Variants in AGBL4 observed in about 807,000 individuals in gnomAD.
AGBL4 encodes cytosolic carboxypeptidase 6.
Under a neutral mutation model 66.4 loss-of-function variants are expected in AGBL4, and 58 were observed. The ratio of observed to expected loss-of-function variants is 0.87; its 90% CI spans 0.71 to 1.09. The LOEUF (loss-of-function observed/expected upper bound fraction) is 1.09, where lower values mean the gene tolerates loss of function less well. Among genes scored for constraint, AGBL4 ranks in the 50% least tolerant of loss-of-function variants. AGBL4 has a pLI of 0.00. For synonymous variants in AGBL4, 234 were observed against 222.9 expected, an observed-to-expected ratio of 1.05 and a Z score of -0.44; for missense variants, 579 against 631.0, an observed-to-expected ratio of 0.92 and a Z score of 0.88.
chr1:48,929,912 G>C (rs1654899148), intron 5 of AGBL4, among the ~76,000 whole-genome samples: 2 of 152,152 alleles, frequency 1.3e-5, no homozygotes, highest in Admixed American at 6.5e-5. Flanking sequence ...TTCAAGGAAA[G>C]AACACTTCCA....
chr1:48,663,445 G>A (rs1646139036), intron 6 of AGBL4, among the ~76,000 whole-genome samples: 2 of 152,262 alleles, frequency 1.3e-5, no homozygotes, highest in East Asian at 3.9e-4. Context: ...ATTCCCTTTT[G>A]TTGGTACAAC....
intron 3 of AGBL4, among the ~76,000 whole-genome samples, chr1:49,674,454 C>T (rs1210034360): frequency 2.0e-5 from 3 of 151,030 alleles, no homozygotes; most frequent in Admixed American, 2.0e-4. Context: ...GCTATTTCTA[C>T]TCTACACAAA....
At chr1:49,933,972 A>G (rs1046106674) in intron 1 of AGBL4, among the ~76,000 whole-genome samples, 4 of 152,174 alleles carry the variant, frequency 2.6e-5, no homozygotes, top group Admixed American at 6.5e-5. Flanking sequence ...GGCTGAATAT[A>G]TAATAAAACA....
intron 5 of AGBL4, among the ~76,000 whole-genome samples, chr1:48,980,287 A>G (rs915731539): frequency 6.6e-6 from 1 of 152,298 alleles, no homozygotes; most frequent in East Asian, 1.9e-4. Flanking sequence ...CTGTGAGAGC[A>G]TTTAGTACAG....
intron 2 of AGBL4, among the ~76,000 whole-genome samples, chr1:49,747,023 T>C (rs565916815): frequency 1.2e-3 from 179 of 152,200 alleles, no homozygotes; most frequent in African/African-American, 4.2e-3. Flanking sequence ...TGCTCACATA[T>C]CTCACAAATG....
At chr1:49,673,460 C>T (rs1326824092) in intron 3 of AGBL4, among the ~76,000 whole-genome samples, 1 of 152,148 alleles carries the variant, frequency 6.6e-6, no homozygotes, top group Non-Finnish European at 1.5e-5. Flanking sequence ...TGTATAATTG[C>T]ATTGTTTGTA....
chr1:49,721,020 C>T (rs898513077), intron 2 of AGBL4, among the ~76,000 whole-genome samples: 9 of 152,058 alleles, frequency 5.9e-5, no homozygotes, highest in Admixed American at 3.3e-4. Context: ...TTTTGTCTGA[C>T]GAGAGGATTA....
chr1:49,207,516 T>C (rs1205419482), intron 4 of AGBL4, among the ~76,000 whole-genome samples: 1 of 146,492 alleles, frequency 6.8e-6, no homozygotes, highest in African/African-American at 2.5e-5. Flanking sequence ...TTTTTCTTTC[T>C]TTCTTTCTCT....
chr1:48,949,443 C>G (rs1357428243), intron 5 of AGBL4, among the ~76,000 whole-genome samples: 1 of 152,166 alleles, frequency 6.6e-6, no homozygotes, highest in Non-Finnish European at 1.5e-5. Context: ...AGTCTATATA[C>G]AGTGGATACC....
At chr1:49,435,000 C>T (rs1386255293) in intron 3 of AGBL4, among the ~76,000 whole-genome samples, 1 of 152,060 alleles carries the variant, frequency 6.6e-6, no homozygotes, top group East Asian at 1.9e-4. Context: ...CTCTTTCTCT[C>T]AGATTAGCTG....
intron 3 of AGBL4, among the ~76,000 whole-genome samples, chr1:49,313,383 T>C (rs1204579668): frequency 6.6e-6 from 1 of 152,164 alleles, no homozygotes; most frequent in East Asian, 1.9e-4. Flanking sequence ...CCTTTGGGTA[T>C]ATACCCAGTA....
rs188891187 is a variant in AGBL4 at position 49,998,103 on chromosome 1, G to A, written c.34+25660C>T. 4.0e-5 allele frequency among the ~76,000 whole-genome samples: 6 copies of A among 150,856 alleles called. No homozygotes were observed. The East Asian group carries it at 1.2e-3, about 29-fold the overall frequency. ...AAAAGAAATAACCAAGATCAGAACA[G>A]AACTAAATGAAATTGAAACAAAAAA... On this transcript the variant is annotated intron_variant, in intron 1 of 13. Transcript: ENST00000371839.
intron 4 of AGBL4, among the ~76,000 whole-genome samples, chr1:49,155,597 T>C (rs2148128222): frequency 6.6e-6 from 1 of 152,270 alleles, no homozygotes; most frequent in East Asian, 1.9e-4. Context: ...CTATAGACAC[T>C]ATAGTCCTAG....
chr1:49,895,211 AAACT>A lies in AGBL4; in HGVS notation c.35-43697_35-43694del, dbSNP rs376792445. 3.4e-4 allele frequency among the ~76,000 whole-genome samples: 51 copies of A among 151,952 alleles called. 1 individual carries two copies. The South Asian group carries it at 9.3e-3, about 28-fold the overall frequency. On this transcript the variant is annotated intron_variant, in intron 1 of 13. Coordinates refer to ENST00000371839, the MANE Select transcript of AGBL4 (RefSeq NM_032785.4). ...TTTCCCAGTTTAAAAAAAAAAAAAA[AAACT>A]GAGAGATTTCAACACCAGACCTGTT...
At chr1:48,591,680 T>C (rs552432732) in intron 9 of AGBL4, among the ~76,000 whole-genome samples, 28 of 152,248 alleles carry the variant, frequency 1.8e-4, no homozygotes, top group Admixed American at 3.9e-4. Context: ...TATAGAGTCT[T>C]AGTTAACTCT....
At chr1:48,759,496 G>T in intron 6 of AGBL4, 1 of 990,754 alleles carries the variant, frequency 1.0e-6, no homozygotes, top group Non-Finnish European at 1.4e-6. Flanking sequence ...TGGGGAAGGG[G>T]CTTGCCCAAA....
intron 5 of AGBL4, among the ~76,000 whole-genome samples, chr1:48,878,428 A>G (rs1193663087): frequency 6.6e-6 from 1 of 152,196 alleles, no homozygotes; most frequent in Non-Finnish European, 1.5e-5. Context: ...CTAAGTGACC[A>G]TGAACAAGTC....
chr1:49,333,997 A>G (rs531077410), intron 3 of AGBL4, among the ~76,000 whole-genome samples: 17 of 152,370 alleles, frequency 1.1e-4, no homozygotes, highest in African/African-American at 4.1e-4. Flanking sequence ...TTGTAATGAA[A>G]TAGGCAAGTT....
At chr1:49,024,793 TTC>T (rs1203637421) in intron 5 of AGBL4, among the ~76,000 whole-genome samples, 4 of 152,150 alleles carry the variant, frequency 2.6e-5, no homozygotes, top group African/African-American at 9.6e-5. Flanking sequence ...TCAATTTCAC[TTC>T]TGTTATCCAA....
Sources: allele counts gnomAD v4.1 joint callset (sites outside exome capture counted in the v4.1 genomes callset), GRCh38; gene constraint gnomAD v4.1.1; transcripts MANE v1.5; gene names NCBI Gene and HGNC (gene_info 2026-07-23, HGNC 2026-07-21).